GCC2: variants seen among roughly 807,000 people sequenced by gnomAD.
GCC2 encodes the protein GRIP and coiled-coil domain-containing protein 2.
A neutral mutation model predicts 210.6 loss-of-function variants in GCC2; 120 were observed. The observed-to-expected ratio is 0.57, with a 90% CI of 0.49 to 0.66. GCC2 has a LOEUF of 0.66. GCC2 is among the 30% of genes least tolerant of loss of function. The pLI is 0.00. For missense variants in GCC2, 1,868 were observed against 1,871.9 expected, an observed-to-expected ratio of 1.00 and a Z score of 0.04; for synonymous variants, 703 against 652.7, an observed-to-expected ratio of 1.08 and a Z score of -1.17.
chr2:108,477,100 T>G (rs949147682), intron 9 of GCC2, among the ~76,000 whole-genome samples: 1 of 152,196 alleles, frequency 6.6e-6, no homozygotes, highest in Non-Finnish European at 1.5e-5. Flanking sequence ...TTTTTTTGGC[T>G]GGATCTTGAC....
chr2:108,490,159 A>C, intron 18 of GCC2, 145 bp downstream of exon 18: 1 of 526,338 alleles, frequency 1.9e-6, no homozygotes, highest in Admixed American at 4.2e-5. Context: ...TGCTTTATCT[A>C]CCTTAGAGCT....
chr2:108,471,306 G>C lies in GCC2; in HGVS notation c.1977G>C (p.Lys659Asn). The C allele has an allele frequency of 6.2e-7, 1 of 1,611,690 alleles. No individual in the cohort carries two copies. The highest frequency in any genetic ancestry group is 8.5e-7 in the Non-Finnish European group (1 of 1,178,970). The change falls in exon 6 of 23, where the codon AAG (lysine) becomes AAC (asparagine). Residue 659 changes from lysine (K) to asparagine (N), a missense_variant. Coordinates refer to ENST00000309863, the MANE Select transcript of GCC2 (RefSeq NM_181453.4). The part of the protein sequence containing the change: ...TGGLEETLKE[K>N]DQNDQKLEKL... ...GACTAGAGGAGACTTTAAAAGAAAA[G>C]GATCAAAATGACCAAAAACTAGAAA... is the stretch of plus-strand genomic sequence containing the variant.
At chr2:108,487,403 AGGCAAT>A (rs1249029724) in intron 16 of GCC2, among the ~76,000 whole-genome samples, 1 of 152,186 alleles carries the variant, frequency 6.6e-6, no homozygotes, top group Non-Finnish European at 1.5e-5. Flanking sequence ...TAAATGTTGG[AGGCAAT>A]GGATATCCTA....
intron 19 of GCC2, 73 bp from the exon 20 acceptor site, chr2:108,495,218 T>G: frequency 1.2e-6 from 1 of 806,914 alleles, no homozygotes; most frequent in Non-Finnish European, 1.9e-6. Context: ...TTCATTTTAT[T>G]GTGTATCTCT....
At chr2:108,462,930 C>A (rs1680686350) in intron 4 of GCC2, among the ~76,000 whole-genome samples, 1 of 151,814 alleles carries the variant, frequency 6.6e-6, no homozygotes, top group Admixed American at 6.6e-5. Flanking sequence ...AAAAAAAAGA[C>A]CTGTCTTTAA....
chr2:108,469,754 G>A lies in GCC2; in HGVS notation c.425G>A (p.Arg142His), dbSNP rs915570315. Reference protein sequence around the residue: ...ENLKNELMAVRSKYSEDKANL... With the variant: ...ENLKNELMAVHSKYSEDKANL... ...TTGAAAAATGAGTTGATGGCAGTAC[G>A]TTCCAAATACAGTGAAGACAAAGCT... The change falls in exon 6 of 23, where the codon CGT becomes CAT. Residue 142 changes from arginine to histidine, a missense_variant. By Grantham distance (29) the Arg-to-His change is conservative (BLOSUM62 0). Transcript: ENST00000309863. 1.8e-5 allele frequency: 29 copies of A among 1,613,512 alleles called. No individual in the cohort carries two copies. The highest frequency in any genetic ancestry group is 1.2e-4 in the African/African-American group (9 of 74,904).
intron 5 of GCC2, 28 bp downstream of exon 5, chr2:108,469,112 T>G (rs759044283): frequency 7.4e-7 from 1 of 1,349,540 alleles, no homozygotes; most frequent in Admixed American, 1.7e-5. Context: ...TGTTCTTTTC[T>G]TTTTTATTAA....
intron 4 of GCC2, among the ~76,000 whole-genome samples, chr2:108,460,888 T>C (rs1292974662): frequency 6.6e-6 from 1 of 152,198 alleles, no homozygotes; most frequent in Non-Finnish European, 1.5e-5. Flanking sequence ...TGTTTAAAAG[T>C]GTGTAGCATT....
rs191279740 is a variant in GCC2, at chr2:108,471,250, C to T, written c.1921C>T (p.Leu641=). 7.7e-5 allele frequency: 124 copies of T among 1,608,924 alleles called. 1 individual carries two copies. The East Asian group carries it at 2.3e-3, about 30-fold the overall frequency. The change falls in exon 6 of 23, where the codon CTA becomes TTA. Residue 641 remains leucine, a synonymous_variant. Transcript: ENST00000309863. The stretch of plus-strand genomic sequence containing the variant: ...GCAAACAATCCAGTACAACAGTGAA[C>T]TAGAACAAAAGGTAAATGAATTAAC... ...VEQTIQYNSE[L]EQKVNELTGG...
rs755939952 is a variant in GCC2 at position 108,481,797 on chromosome 2, TAAG to T, written c.3164_3166del (p.Arg1055del). On this transcript the variant is annotated inframe_deletion, in exon 10 of 23. Coordinates refer to ENST00000309863, the MANE Select transcript of GCC2 (RefSeq NM_181453.4). The stretch of plus-strand genomic sequence containing the variant: ...CGTATTGAAGACCTTACAAGACAAT[TAAG>T]AAATTCGACTTTGCAGGTAATTTTT... 35 of 1,570,034 alleles carry T rather than the reference TAAG, an allele frequency of 2.2e-5. No individual in the cohort carries two copies. The highest frequency in any genetic ancestry group is 2.9e-5 in the Non-Finnish European group (34 of 1,162,250).
chr2:108,449,773 C>T (rs1446440777), intron 2 of GCC2, 84 bp downstream of exon 2: 4 of 1,003,132 alleles, frequency 4.0e-6, no homozygotes, highest in Non-Finnish European at 4.5e-6. Flanking sequence ...AAGGGGGGGG[C>T]GCTGATTTTT....
rs115584718 is a variant in GCC2, at chr2:108,459,649, A to G, written c.216+7183A>G. On this transcript the variant is annotated intron_variant, in intron 4 of 22. Transcript: ENST00000309863. ...GATCTAGTAATAACTTGCTTTAGGAATCTGGGTGCTCCAGTGTCAGGTTCA... is the reference window on the plus strand; with the variant it reads ...GATCTAGTAATAACTTGCTTTAGGAGTCTGGGTGCTCCAGTGTCAGGTTCA... Among the ~76,000 whole-genome samples, 705 of 148,554 alleles carry G rather than the reference A, an allele frequency of 4.7e-3. 6 individuals carry two copies. Among genetic ancestry groups the G allele is most frequent in the African/African-American group, 0.016 (668 of 40,578 alleles).
rs1682091379 is a variant in GCC2 at position 108,485,429 on chromosome 2, T to C, written c.3614-207T>C. 2.0e-5 allele frequency among the ~76,000 whole-genome samples: 3 copies of C among 152,204 alleles called. No homozygotes were observed. The South Asian group carries it at 6.2e-4, about 32-fold the overall frequency. On this transcript the variant is annotated intron_variant, in intron 13 of 22. Transcript: ENST00000309863. Reference sequence around the variant, plus strand: ...GGTCTGGGTTAACTAAGATTGTCTATGGGTTGTAATTGTTACAGCCGGGAG... The same window carrying C: ...GGTCTGGGTTAACTAAGATTGTCTACGGGTTGTAATTGTTACAGCCGGGAG...
At chr2:108,476,343 C>T (rs987341783) in intron 9 of GCC2, among the ~76,000 whole-genome samples, 3 of 152,088 alleles carry the variant, frequency 2.0e-5, no homozygotes, top group African/African-American at 7.2e-5. Flanking sequence ...CAGGCATGCG[C>T]CACCACACCT....
In GCC2 at chr2:108,480,472, T is replaced by A. The variant is rs1245510134; in HGVS notation, c.3061-1225T>A. 3.3e-5 allele frequency among the ~76,000 whole-genome samples: 5 copies of A among 152,176 alleles called. No individual in the cohort carries two copies. In the South Asian group the frequency reaches 8.3e-4, roughly 25 times the overall value. On this transcript the variant is annotated intron_variant, in intron 9 of 22. Coordinates refer to ENST00000309863, the MANE Select transcript of GCC2 (RefSeq NM_181453.4). ...ACATGTATGTTCTCTGCAGCACTAT[T>A]CATGATAGCAAAGACGTGGAATCAA... is the stretch of plus-strand genomic sequence containing the variant.
At chr2:108,467,084 A>C (rs1558736452) in intron 4 of GCC2, among the ~76,000 whole-genome samples, 1 of 152,144 alleles carries the variant, frequency 6.6e-6, no homozygotes, top group South Asian at 2.1e-4. Flanking sequence ...CTTCTCTTCA[A>C]AAGTATCCTG....
intron 4 of GCC2, among the ~76,000 whole-genome samples, chr2:108,461,855 A>G (rs1680602280): frequency 1.2e-5 from 1 of 85,412 alleles, no homozygotes; most frequent in Non-Finnish European, 2.2e-5. Context: ...TTTTTTTGAG[A>G]CAGAGTCTCG....
rs1034716599 is a variant in GCC2 at position 108,497,179 on chromosome 2, C to T, written c.4782+70C>T. The T allele has an allele frequency of 1.1e-5, 17 of 1,608,172 alleles. No individual in the cohort carries two copies. The African/African-American group carries it at 1.1e-4, about 10-fold the overall frequency. ...TTTCTTGACCCTCCATACACATGCA[C>T]GATCTCAGCTCACTGCAAGCTCCAC... On this transcript the variant is annotated intron_variant, in intron 21 of 22. Coordinates refer to ENST00000309863, the MANE Select transcript of GCC2 (RefSeq NM_181453.4).
rs1242336232 is a variant in GCC2 at position 108,506,775 on chromosome 2, A to G, written c.4985-785A>G. On this transcript the variant is annotated intron_variant, in intron 22 of 22. Transcript: ENST00000309863. ...AATACTTAGTTGTGCTGGAAATTTT[A>G]TTTTGGTATTGTTTAATGGAGAAAG... Among the ~76,000 whole-genome samples, 9 of 152,222 alleles carry G rather than the reference A, an allele frequency of 5.9e-5. No individual in the cohort carries two copies. In the East Asian group the frequency reaches 1.7e-3, roughly 29 times the overall value.
Sources: gnomAD v4.1 joint callset for allele counts (sites outside exome capture counted in the v4.1 genomes callset) on GRCh38, gnomAD v4.1.1 for gene constraint, MANE v1.5 for transcripts, NCBI Gene and HGNC (gene_info 2026-07-23, HGNC 2026-07-21) for gene names.